The following KCNQ5 variants were observed in gnomAD, a reference collection of about 807,000 sequenced individuals.
The protein encoded by KCNQ5 is potassium voltage-gated channel subfamily Q member 5.
Under a neutral mutation model 98.2 loss-of-function variants are expected in KCNQ5, and 30 were observed. The observed-to-expected ratio is 0.31, with a 90% confidence interval of 0.23 to 0.41. The LOEUF is 0.41. KCNQ5 is among the 10% of genes least tolerant of loss of function. The pLI is 1.00. For synonymous variants in KCNQ5, 458 were observed against 449.4 expected (o/e 1.02, Z -0.24); for missense variants, 835 against 1,182.5 (o/e 0.71, Z 4.31).
intron 13 of KCNQ5, 120 bp from the exon 14 acceptor site, chr6:73,194,332 T>C: frequency 1.2e-6 from 1 of 855,806 alleles, no homozygotes; most frequent in Non-Finnish European, 1.8e-6. Context: ...CATCGTACTT[T>C]ATATTCAATA....
At chr6:72,682,281 T>C (rs2074304100) in intron 1 of KCNQ5, among the ~76,000 whole-genome samples, 1 of 152,228 alleles carries the variant, frequency 6.6e-6, no homozygotes, top group Admixed American at 6.5e-5. Flanking sequence ...TCTTCTCCAA[T>C]ATCTATTGTA....
At chr6:72,760,903 A>G (rs945301512) in intron 1 of KCNQ5, among the ~76,000 whole-genome samples, 1 of 152,164 alleles carries the variant, frequency 6.6e-6, no homozygotes, top group African/African-American at 2.4e-5. Context: ...TTCTGTGCTT[A>G]TATGTTCTGT....
intron 2 of KCNQ5, among the ~76,000 whole-genome samples, chr6:73,009,618 A>G (rs1769973504): frequency 6.6e-6 from 1 of 152,184 alleles, no homozygotes; most frequent in African/African-American, 2.4e-5. Flanking sequence ...GGTTGACAAA[A>G]CAGACAAACC....
intron 1 of KCNQ5, among the ~76,000 whole-genome samples, chr6:72,870,162 A>C (rs553804551): frequency 8.5e-5 from 13 of 152,362 alleles, no homozygotes; most frequent in African/African-American, 2.9e-4. Context: ...TTGTATAATC[A>C]GATACCTGGA....
chr6:72,838,767 G>A (rs895399250), intron 1 of KCNQ5, among the ~76,000 whole-genome samples: 4 of 151,244 alleles, frequency 2.6e-5, no homozygotes, highest in Non-Finnish European at 4.4e-5. Context: ...TGGCTAACAC[G>A]GTGAAACCCC....
chr6:72,622,253 G>A lies in KCNQ5; in HGVS notation c.64G>A (p.Ala22Thr). ...CGCCGGGCTCTGGGTGAAGAGCGGC[G>A]CAGCGGCGGCGGCGGCGGGCGGGGG... is the stretch of plus-strand genomic sequence containing the variant. ...GAAGLWVKSG[A>T]AAAAAGGGRL... is the part of the protein sequence containing the mutation. Residue 22 changes from alanine to threonine, a missense_variant, in exon 1 of 14, where the codon GCA becomes ACA. By Grantham distance (58) the Ala-to-Thr change is moderately conservative. Around this residue, in one of 10 missense-constraint regions of KCNQ5, gnomAD observed 80 missense variants for 72.3 expected, o/e 1.11. Transcript: ENST00000370398. This position sits in a 1 kb window ranked among gnomAD's most constrained non-coding sequence, Gnocchi z 6.0. 7.9e-7 allele frequency: 1 copy of A among 1,266,526 alleles called. No homozygotes were observed. The highest frequency in any genetic ancestry group is 4.2e-5 in the Admixed American group (1 of 23,676). The allele number at this position is 1,266,526 out of a possible 1,614,324, so 78.5% of individuals were successfully genotyped here.
chr6:72,986,711 T>G, intron 1 of KCNQ5: 1 of 1,308,326 alleles, frequency 7.6e-7, no homozygotes, highest in Non-Finnish European at 1.1e-6. Flanking sequence ...AAAGAAGAAG[T>G]CACCTCCAGC....
intron 10 of KCNQ5, among the ~76,000 whole-genome samples, chr6:73,157,228 G>A (rs1050223822): frequency 6.6e-6 from 1 of 152,250 alleles, no homozygotes; most frequent in African/African-American, 2.4e-5. Context: ...AGGCCTTGCA[G>A]GGTCCAAGTG....
intron 1 of KCNQ5, among the ~76,000 whole-genome samples, chr6:72,918,781 A>G (rs953503003): frequency 7.2e-5 from 11 of 152,134 alleles, no homozygotes; most frequent in African/African-American, 2.7e-4. Context: ...TACTTCTATG[A>G]TACTATAATA....
intron 1 of KCNQ5, among the ~76,000 whole-genome samples, chr6:73,001,657 A>G (rs1030050664): frequency 1.3e-5 from 2 of 152,290 alleles, no homozygotes; most frequent in South Asian, 4.1e-4. Flanking sequence ...CCAGAGGAGG[A>G]CATCTATCAC....
intron 9 of KCNQ5, among the ~76,000 whole-genome samples, chr6:73,130,683 A>C (rs1362654193): frequency 6.6e-6 from 1 of 152,224 alleles, no homozygotes; most frequent in African/African-American, 2.4e-5. Flanking sequence ...TTTCAGTAAC[A>C]GTCACCTGAT....
chr6:72,772,188 T>C (rs1271394456), intron 1 of KCNQ5, among the ~76,000 whole-genome samples: 2 of 152,140 alleles, frequency 1.3e-5, no homozygotes, highest in African/African-American at 2.4e-5. Context: ...AGTTACAATT[T>C]TAAGGCTATT....
intron 1 of KCNQ5, among the ~76,000 whole-genome samples, chr6:72,818,982 T>G (rs1054027311): frequency 6.6e-6 from 1 of 151,950 alleles, no homozygotes; most frequent in Non-Finnish European, 1.5e-5. Flanking sequence ...AGTTAATGAC[T>G]GCGTGCATTC....
At chr6:72,912,028 G>A (rs1195506591) in intron 1 of KCNQ5, among the ~76,000 whole-genome samples, 1 of 152,042 alleles carries the variant, frequency 6.6e-6, no homozygotes, top group Non-Finnish European at 1.5e-5. Flanking sequence ...ATATATAAGC[G>A]TTCTAGTTAC....
chr6:72,652,333 G>A (rs180742656), intron 1 of KCNQ5, among the ~76,000 whole-genome samples: 52 of 151,420 alleles, frequency 3.4e-4, no homozygotes, highest in Non-Finnish European at 2.7e-4. Context: ...TTAATTATGT[G>A]CTTCCTTAGA....
At chr6:72,765,650 A>C (rs992462259) in intron 1 of KCNQ5, among the ~76,000 whole-genome samples, 1 of 152,026 alleles carries the variant, frequency 6.6e-6, no homozygotes, top group Non-Finnish European at 1.5e-5. Context: ...GGATTCATGT[A>C]CTGAGAAATA....
In KCNQ5 at chr6:73,196,615, T is replaced by C. The variant is rs149489213; in HGVS notation, c.*1201T>C. On this transcript the variant is annotated 3_prime_UTR_variant, in exon 14 of 14. Transcript: ENST00000370398. ...AATGTCTTTTGCTATTATGTGTACA[T>C]TTTGCATATGAAAGTCTAAAACGAA... 3 of 152,314 alleles carry C rather than the reference T, an allele frequency of 2.0e-5. No individual in the cohort carries two copies. Among genetic ancestry groups the C allele is most frequent in the African/African-American group, 7.2e-5 (3 of 41,576 alleles). The allele number at this position is 152,314 out of a possible 1,614,324, so 9.4% of individuals were successfully genotyped here.
chr6:73,041,965 G>A lies in KCNQ5; in HGVS notation c.519G>A (p.Leu173=). The change falls in exon 3 of 14, where the codon TTG becomes TTA. Residue 173 remains leucine (L), a synonymous_variant. Transcript: ENST00000370398. ...LEFVMIVVFG[L]EFIIRIWSAG... ...TCGTGATGATTGTCGTCTTTGGTTTGGAGTTCATCATTCGAATCTGGTCTG... is the reference window on the plus strand; with the variant it reads ...TCGTGATGATTGTCGTCTTTGGTTTAGAGTTCATCATTCGAATCTGGTCTG... 1.2e-6 allele frequency: 2 copies of A among 1,613,902 alleles called. No homozygotes were observed. The highest frequency in any genetic ancestry group is 8.5e-7 in the Non-Finnish European group (1 of 1,179,812).
chr6:73,148,195 T>C (rs1386953502), intron 10 of KCNQ5, among the ~76,000 whole-genome samples: 1 of 152,210 alleles, frequency 6.6e-6, no homozygotes, highest in Non-Finnish European at 1.5e-5. Flanking sequence ...TTCCTTTTAA[T>C]TAAATGTCAG....
Sources: gnomAD v4.1 joint callset for allele counts (sites outside exome capture counted in the v4.1 genomes callset) on GRCh38, gnomAD v4.1.1 for gene constraint, gnomAD v4.1.1 regional missense constraint, Gnocchi (gnomAD v3.1) non-coding constraint, MANE v1.5 for transcripts, NCBI Gene and HGNC (gene_info 2026-07-23, HGNC 2026-07-21) for gene names.